Variants in CARS1 observed in about 807,000 individuals in gnomAD.
The protein encoded by CARS1 is cysteinyl-tRNA synthetase 1, also known as cysteine--tRNA ligase, cytoplasmic.
A neutral mutation model predicts 106.2 loss-of-function variants in CARS1; 48 were observed. The observed-to-expected ratio is 0.45, with a 90% CI of 0.36 to 0.57. The LOEUF (loss-of-function observed/expected upper bound fraction) is 0.57. Among genes scored for constraint, CARS1 ranks in the 20% least tolerant of loss-of-function variants. The pLI is 0.00. For synonymous variants in CARS1, 409 were observed against 403.4 expected, an observed-to-expected ratio of 1.01 and a Z score of -0.17; for missense variants, 968 against 1,057.2, an observed-to-expected ratio of 0.92 and a Z score of 1.17.
Position 3,039,156 on chromosome 11 carries a change from A to T in CARS1, c.651+38T>A. ...TACAAAGGACCGAGAACAGAAAGCA[A>T]AGGGCTCGGTTTCTAGAGCAGACAG... is the stretch of plus-strand genomic sequence containing the variant. On this transcript the variant is annotated intron_variant, in intron 6 of 22. Transcript: ENST00000380525. This position sits in a 1 kb window ranked among gnomAD's most constrained non-coding sequence, Gnocchi z 5.6. 7.5e-7 allele frequency: 1 copy of T among 1,328,206 alleles called. No homozygotes were observed. The highest frequency in any genetic ancestry group is 1.1e-6 in the Non-Finnish European group (1 of 921,614). The allele number at this position is 1,328,206 out of a possible 1,614,324, so 82.3% of individuals were successfully genotyped here.
rs1590505182 is a variant in CARS1 at position 3,040,717 on chromosome 11, G to A, written c.455+179C>T. On this transcript the variant is annotated intron_variant, in intron 4 of 22. Transcript: ENST00000380525. This position sits in a 1 kb window ranked among gnomAD's most constrained non-coding sequence, Gnocchi z 5.8. ...TCTGCAGTGAATATAGATTACTTAT[G>A]GCATTAAAATTTTCATCTTAAAAAT... The A allele has an allele frequency of 2.9e-6, 2 of 683,448 alleles. No individual in the cohort carries two copies. The highest frequency in any genetic ancestry group is 2.6e-5 in the Admixed American group (1 of 39,000). 42.3% of individuals were successfully genotyped at this position (683,448 alleles called of 1,614,324 possible).
chr11:3,022,794 C>T lies in CARS1; in HGVS notation c.1154-2462G>A, dbSNP rs145322941. Among the ~76,000 whole-genome samples, 11 of 152,224 alleles carry T rather than the reference C, an allele frequency of 7.2e-5. 1 individual carries two copies. In the East Asian group the frequency reaches 1.2e-3, roughly 16 times the overall value. On this transcript the variant is annotated intron_variant, in intron 10 of 22. Transcript: ENST00000380525. This position sits in a 1 kb window ranked among gnomAD's most constrained non-coding sequence, Gnocchi z 4.9. ...GCCTCTGGTGGGTCATCTTACTTGGCGGAGTGAGGAGCTGTCATCATCTAG... is the reference window on the plus strand; with the variant it reads ...GCCTCTGGTGGGTCATCTTACTTGGTGGAGTGAGGAGCTGTCATCATCTAG...
Position 3,018,723 on chromosome 11 carries a change from G to T in CARS1, c.1422C>A (p.Val474=), listed in dbSNP as rs537827525. 93 of 1,614,040 alleles carry T rather than the reference G, an allele frequency of 5.8e-5. 2 individuals are homozygous for T. The South Asian group carries it at 9.4e-4, about 16-fold the overall frequency. The change falls in exon 13 of 23, where the codon GTC becomes GTA. Residue 474 remains valine, a synonymous_variant. Transcript: ENST00000380525. ...GGTGGCCTGTGTGCAGGAAGTACCT[G>T]ACCCAGCAGTCGTTTTCAAAGTAGG... ...SEAYFENDCW[V]RYFLHTGHLT...
At position 3,008,312 on chromosome 11, in the gene CARS1, AC is replaced by A. The variant is rs1850098351; in HGVS notation, c.2069-1354del. 1 of 152,188 alleles carries A rather than the reference AC, an allele frequency of 6.6e-6. No individual in the cohort carries two copies. The highest frequency in any genetic ancestry group is 6.5e-5 in the Admixed American group (1 of 15,276). 9.4% of individuals were successfully genotyped at this position (152,188 alleles called of 1,614,324 possible). ...TGCTGGGCACCCCACACCTTCATTCACTGCTAGATAAAATATTCACATATCC... is the reference window on the plus strand; with the variant it reads ...TGCTGGGCACCCCACACCTTCATTCATGCTAGATAAAATATTCACATATCC... On this transcript the variant is annotated intron_variant, in intron 18 of 22. Transcript: ENST00000380525. The surrounding 1 kb of genome is among the most constrained non-coding windows in gnomAD (Gnocchi z 5.1).
At position 3,045,869 on chromosome 11, in the gene CARS1, A is replaced by G. The variant is rs1269975006; in HGVS notation, c.274+1884T>C. On this transcript the variant is annotated intron_variant, in intron 2 of 22. Transcript: ENST00000380525. This position sits in a 1 kb window ranked among gnomAD's most constrained non-coding sequence, Gnocchi z 5.6. ...CCACAGCTACTGTCATCCCAGGGAC[A>G]TGGGCGAGGACACTACACTGGACTC... 3.3e-5 allele frequency among the ~76,000 whole-genome samples: 5 copies of G among 152,212 alleles called. No homozygotes were observed. The highest frequency in any genetic ancestry group is 5.9e-5 in the Non-Finnish European group (4 of 68,024).
Position 3,038,297 on chromosome 11 carries a change from A to T in CARS1, c.652-98T>A. 1.7e-6 allele frequency: 2 copies of T among 1,154,490 alleles called. No individual in the cohort carries two copies. The allele number at this position is 1,154,490 out of a possible 1,614,324, so 71.5% of individuals were successfully genotyped here. A position where few individuals can be genotyped will look rare whatever the true frequency, so the allele number is the denominator to read the frequency against. Reference sequence around the variant, plus strand: ...GGTAGAAAACAGAACGGTTTTTCCCATGGCCCCATAGAGATAGAGAAGTGT... The same window carrying T: ...GGTAGAAAACAGAACGGTTTTTCCCTTGGCCCCATAGAGATAGAGAAGTGT... On this transcript the variant is annotated intron_variant, in intron 6 of 22. Transcript: ENST00000380525. The surrounding 1 kb of genome is among the most constrained non-coding windows in gnomAD (Gnocchi z 4.0).
chr11:3,046,125 A>AT lies in CARS1; in HGVS notation c.274+1627dup, dbSNP rs1855048836. On this transcript the variant is annotated intron_variant, in intron 2 of 22. Transcript: ENST00000380525. The surrounding 1 kb of genome is among the most constrained non-coding windows in gnomAD (Gnocchi z 5.8). ...CACAGCAACTCCATTAGTGCTATCC[A>AT]TGGTCCATTCTGTTACACAGCAACG... Among the ~76,000 whole-genome samples the AT allele has an allele frequency of 6.6e-6, 1 of 152,220 alleles. No individual in the cohort carries two copies. Among genetic ancestry groups the AT allele is most frequent in the Non-Finnish European group, 1.5e-5 (1 of 68,026 alleles).
At chr11:3,001,308 CCTTT>C in intron 22 of CARS1, 60 bp from the exon 23 acceptor site, 1 of 1,591,024 alleles carries the variant, frequency 6.3e-7, no homozygotes. Context: ...CCCCAACTCC[CCTTT>C]CTTTGCCCTC....
chr11:3,018,678 T>C lies in CARS1; in HGVS notation c.1467A>G (p.Lys489=). The C allele has an allele frequency of 1.2e-6, 2 of 1,614,204 alleles. No individual in the cohort carries two copies. The highest frequency in any genetic ancestry group is 1.7e-6 in the Non-Finnish European group (2 of 1,180,038). ...TGAAGTTTTTTAGTGACTTTGACATTTTGCAGCCTGCAATGGTCAGGTGGC... is the reference window on the plus strand; with the variant it reads ...TGAAGTTTTTTAGTGACTTTGACATCTTGCAGCCTGCAATGGTCAGGTGGC... ...HTGHLTIAGC[K]MSKSLKNFIT... Residue 489 remains lysine (K), a synonymous_variant, in exon 13 of 23, where the codon AAA becomes AAG. Coordinates refer to ENST00000380525, the MANE Select transcript of CARS1 (RefSeq NM_001014437.3).
rs200057940 is a variant in CARS1, at chr11:3,012,210, C to T, written c.2053G>A (p.Ala685Thr). Residue 685 changes from alanine (A) to threonine (T), a missense_variant, in exon 18 of 23, where the codon GCC becomes ACC. Physicochemically the swap from Ala to Thr is moderately conservative, Grantham distance 58. Transcript: ENST00000380525. ...TGGTCCTCACCTTTTTGCTCTCGGG[C>T]AATCTTCCGCACTCCTTCTCGGAAT... Reference protein sequence around the residue: ...SEFREGVRKIAREQKVPEILQ... With the variant: ...SEFREGVRKITREQKVPEILQ... 2 of 1,614,194 alleles carry T rather than the reference C, an allele frequency of 1.2e-6. No individual in the cohort carries two copies. Among genetic ancestry groups the T allele is most frequent in the Non-Finnish European group, 8.5e-7 (1 of 1,180,006 alleles).
In CARS1 at chr11:3,001,229, A is replaced by G; in HGVS notation, c.2381T>C (p.Met794Thr). The stretch of plus-strand genomic sequence containing the variant: ...CCCTTTGCTGAGCTCTTTGCCCTCC[A>G]TGTCATGTGTGGGCAGACCCTGAAA... ...FDENGLPTHD[M>T]EGKELSKGQA... The change falls in exon 23 of 23, where the codon ATG (methionine) becomes ACG (threonine). Residue 794 changes from methionine to threonine, a missense_variant. Transcript: ENST00000380525. 1 of 1,613,736 alleles carries G rather than the reference A, an allele frequency of 6.2e-7. No individual in the cohort carries two copies. The highest frequency in any genetic ancestry group is 8.5e-7 in the Non-Finnish European group (1 of 1,180,000).
In CARS1 at chr11:3,057,363, G is replaced by C; in HGVS notation, c.5C>G (p.Ala2Gly). 1 of 1,610,630 alleles carries C rather than the reference G, an allele frequency of 6.2e-7. No individual in the cohort carries two copies. Among genetic ancestry groups the C allele is most frequent in the Non-Finnish European group, 8.5e-7 (1 of 1,178,880 alleles). ...CTCACCCTGCTGCCCGGAGGAATCT[G>C]CCATGGCTGGGAATCCCGGACCCGC... is the stretch of plus-strand genomic sequence containing the variant. M[A>G]DSSGQQAPDY... The change falls in exon 1 of 23, where the codon GCA becomes GGA. Residue 2 changes from alanine (A) to glycine (G), a missense_variant. By Grantham distance (60) the Ala-to-Gly change is moderately conservative. Transcript: ENST00000380525.
At position 3,001,020 on chromosome 11, in the gene CARS1, G is replaced by A; in HGVS notation, c.*94C>T. 2 of 1,391,292 alleles carry A rather than the reference G, an allele frequency of 1.4e-6. No individual in the cohort carries two copies. The highest frequency in any genetic ancestry group is 1.2e-5 in the South Asian group (1 of 83,074). The allele number at this position is 1,391,292 out of a possible 1,614,324, so 86.2% of individuals were successfully genotyped here. A position where few individuals can be genotyped will look rare whatever the true frequency, so the allele number is the denominator to read the frequency against. On this transcript the variant is annotated 3_prime_UTR_variant, in exon 23 of 23. Coordinates refer to ENST00000380525, the MANE Select transcript of CARS1 (RefSeq NM_001014437.3). ...AACTCTTAATTTAGGACCCAAGGGT[G>A]ACTGTAAACATGATAGGAGCGCTGG...
intron 22 of CARS1, 30 bp from the exon 23 acceptor site, chr11:3,001,278 T>A (rs1849377705): frequency 6.2e-7 from 1 of 1,610,388 alleles, no homozygotes; most frequent in Admixed American, 1.7e-5. Context: ...CGGCTATTGG[T>A]CTCCTCTGCA....
At chr11:3,007,099 C>A in intron 18 of CARS1, 140 bp from the exon 19 acceptor site, 3 of 694,822 alleles carry the variant, frequency 4.3e-6, no homozygotes, top group Non-Finnish European at 5.0e-6. Flanking sequence ...GGAGGGGCCC[C>A]GGCCCACAGA....
intron 18 of CARS1, among the ~76,000 whole-genome samples, chr11:3,011,803 C>CA (rs1850489128): frequency 6.6e-6 from 1 of 152,184 alleles, no homozygotes. Context: ...ACCAGGTCAC[C>CA]AGGAACAAAA....
chr11:3,005,107 CAAAAAAAAAAA>C (rs71035465), intron 20 of CARS1, among the ~76,000 whole-genome samples: 2 of 90,726 alleles, frequency 2.2e-5, no homozygotes, highest in African/African-American at 9.1e-5. Context: ...GACTCCGTCT[CAAAAAAAAAAA>C]AAAAAAAAAA....
Position 3,052,726 on chromosome 11 carries a change from G to A in CARS1, c.25+4617C>T, listed in dbSNP as rs2134318307. Among the ~76,000 whole-genome samples, 1 of 152,304 alleles carries A rather than the reference G, an allele frequency of 6.6e-6. No homozygotes were observed. The highest frequency in any genetic ancestry group is 1.5e-5 in the Non-Finnish European group (1 of 68,012). Reference sequence around the variant, plus strand: ...AGTCATTTGGGTAATCGTGGTAGCTGCATTTAAGTGTGTCTCGAGGAAACA... The same window carrying A: ...AGTCATTTGGGTAATCGTGGTAGCTACATTTAAGTGTGTCTCGAGGAAACA... On this transcript the variant is annotated intron_variant, in intron 1 of 22. Coordinates refer to ENST00000380525, the MANE Select transcript of CARS1 (RefSeq NM_001014437.3). The surrounding 1 kb of genome is among the most constrained non-coding windows in gnomAD (Gnocchi z 4.6).
rs1364484410 is a variant in CARS1 at position 3,040,623 on chromosome 11, T to G, written c.455+273A>C. 1 of 628,764 alleles carries G rather than the reference T, an allele frequency of 1.6e-6. No homozygotes were observed. The highest frequency in any genetic ancestry group is 2.1e-5 in the Admixed American group (1 of 47,622). The allele number at this position is 628,764 out of a possible 1,614,324, so 38.9% of individuals were successfully genotyped here. ...AAACTTTAAGGTATGTGAGAAAAAG[T>G]GCCCAGGTCGAGTCCAGCATGTTAG... On this transcript the variant is annotated intron_variant, in intron 4 of 22. Transcript: ENST00000380525. The surrounding 1 kb of genome is among the most constrained non-coding windows in gnomAD (Gnocchi z 5.8).
Sources: gnomAD v4.1 joint callset for allele counts (sites outside exome capture counted in the v4.1 genomes callset) on GRCh38, gnomAD v4.1.1 for gene constraint, Gnocchi (gnomAD v3.1) non-coding constraint, MANE v1.5 for transcripts, NCBI Gene and HGNC (gene_info 2026-07-23, HGNC 2026-07-21) for gene names.